DYNC1I1: variants seen among roughly 807,000 people sequenced by gnomAD.
DYNC1I1 encodes the protein cytoplasmic dynein 1 intermediate chain 1.
A neutral mutation model predicts 86.6 loss-of-function variants in DYNC1I1; 43 were observed. The observed-to-expected ratio is 0.50, with a 90% CI of 0.39 to 0.64. DYNC1I1 has a LOEUF of 0.64. Among genes scored for constraint, DYNC1I1 ranks in the 30% least tolerant of loss-of-function variants. The pLI, the probability that DYNC1I1 is intolerant of heterozygous loss-of-function variation, is 0.00. For synonymous variants in DYNC1I1, 262 were observed against 283.7 expected, an observed-to-expected ratio of 0.92 and a Z score of 0.77; for missense variants, 604 against 788.8, an observed-to-expected ratio of 0.77 and a Z score of 2.81.
chr7:96,016,299 T>C (rs1253514534), intron 10 of DYNC1I1, among the ~76,000 whole-genome samples: 1 of 151,722 alleles, frequency 6.6e-6, no homozygotes, highest in Non-Finnish European at 1.5e-5. Flanking sequence ...TAGAACACTT[T>C]AGGTTTTTTT....
intron 5 of DYNC1I1, among the ~76,000 whole-genome samples, chr7:95,846,122 T>G (rs894007522): frequency 6.6e-6 from 1 of 152,202 alleles, no homozygotes; most frequent in African/African-American, 2.4e-5. Flanking sequence ...ATCAAGGTAG[T>G]AAAAGGTCAT....
intron 14 of DYNC1I1, among the ~76,000 whole-genome samples, chr7:96,066,950 T>A (rs1790008559): frequency 6.6e-6 from 1 of 152,230 alleles, no homozygotes; most frequent in Non-Finnish European, 1.5e-5. Context: ...TGCTGAAATA[T>A]GTGCCTTGTT....
At position 96,029,631 on chromosome 7, in the gene DYNC1I1, A is replaced by G. The variant is rs75631113; in HGVS notation, c.1116+1310A>G. Among the ~76,000 whole-genome samples, 220 of 152,308 alleles carry G rather than the reference A, an allele frequency of 1.4e-3. 1 individual carries two copies. Among genetic ancestry groups the G allele is most frequent in the African/African-American group, 5.1e-3 (212 of 41,570 alleles). On this transcript the variant is annotated intron_variant, in intron 11 of 16. Transcript: ENST00000447467. ...GATGTTATTTCTGTTAGAAAATAAAATAGGCCAGGCATGGTGGCTCACACC... is the reference window on the plus strand; with the variant it reads ...GATGTTATTTCTGTTAGAAAATAAAGTAGGCCAGGCATGGTGGCTCACACC...
intron 10 of DYNC1I1, among the ~76,000 whole-genome samples, chr7:96,019,191 T>A (rs910524492): frequency 1.3e-5 from 2 of 152,182 alleles, no homozygotes; most frequent in Admixed American, 6.5e-5. Flanking sequence ...ACATAAAATC[T>A]GCTCTCTGCA....
intron 6 of DYNC1I1, among the ~76,000 whole-genome samples, chr7:95,930,473 C>T (rs1413178991): frequency 2.6e-5 from 4 of 152,132 alleles, no homozygotes; most frequent in African/African-American, 9.7e-5. Flanking sequence ...TATGTACTGT[C>T]CACCGCAGAA....
chr7:96,089,442 C>G (rs532228671), intron 16 of DYNC1I1, among the ~76,000 whole-genome samples: 155 of 152,142 alleles, frequency 1.0e-3, no homozygotes, highest in African/African-American at 3.6e-3. Flanking sequence ...TTAGAGCATT[C>G]AGGATGTAGC....
At chr7:95,864,986 G>C (rs1054188624) in intron 5 of DYNC1I1, among the ~76,000 whole-genome samples, 1 of 152,058 alleles carries the variant, frequency 6.6e-6, no homozygotes, top group Non-Finnish European at 1.5e-5. Flanking sequence ...TGGGGAAAGG[G>C]GGAAGGTGGA....
rs571765002 is a variant in DYNC1I1, at chr7:95,921,688, C to T, written c.490+51690C>T. Among the ~76,000 whole-genome samples, 819 of 152,216 alleles carry T rather than the reference C, an allele frequency of 5.4e-3. 16 individuals are homozygous for T. Among genetic ancestry groups the T allele is most frequent in the African/African-American group, 0.019 (790 of 41,534 alleles). On this transcript the variant is annotated intron_variant, in intron 6 of 16. Transcript: ENST00000447467. ...GTCAAATGTGCACCACATTTATGAG[C>T]GTGTTGACTGACCAGTGACTCATGA...
chr7:96,094,591 A>G (rs1455771160), intron 16 of DYNC1I1, among the ~76,000 whole-genome samples: 1 of 152,202 alleles, frequency 6.6e-6, no homozygotes, highest in Non-Finnish European at 1.5e-5. Context: ...TCTAATGCCA[A>G]AAATTATTAC....
In DYNC1I1 at chr7:96,076,292, T is replaced by C. The variant is rs2116247706; in HGVS notation, c.1650+95T>C. 7.3e-6 allele frequency: 11 copies of C among 1,516,950 alleles called. 1 individual carries two copies. The South Asian group carries it at 1.1e-4, about 16-fold the overall frequency. The allele number at this position is 1,516,950 out of a possible 1,614,324, so 94.0% of individuals were successfully genotyped here. Reference sequence around the variant, plus strand: ...CCCTCTTTCTCCAAAACGGCCTTTTTTGGACAGACCTTCCAACTGCAGCAG... The same window carrying C: ...CCCTCTTTCTCCAAAACGGCCTTTTCTGGACAGACCTTCCAACTGCAGCAG... On this transcript the variant is annotated intron_variant, in intron 15 of 16. Coordinates refer to ENST00000447467, the MANE Select transcript of DYNC1I1 (RefSeq NM_001135556.2).
rs189963905 is a variant in DYNC1I1 at position 95,777,427 on chromosome 7, A to T, written c.-10+4654A>T. On this transcript the variant is annotated intron_variant, in intron 1 of 16. Transcript: ENST00000447467. The stretch of plus-strand genomic sequence containing the variant: ...TGTTCTGTCCTCTGAGGCTTCCCTG[A>T]TACAGCAGCTGTGTCATGATCCGGA... Among the ~76,000 whole-genome samples, 356 of 152,320 alleles carry T rather than the reference A, an allele frequency of 2.3e-3. 4 individuals carry two copies. Among genetic ancestry groups the T allele is most frequent in the African/African-American group, 8.2e-3 (339 of 41,576 alleles).
At chr7:95,955,998 T>C (rs972859847) in intron 6 of DYNC1I1, among the ~76,000 whole-genome samples, 12 of 152,216 alleles carry the variant, frequency 7.9e-5, no homozygotes, top group African/African-American at 2.9e-4. Flanking sequence ...AGGTTTGTGC[T>C]TTAGCTTATA....
chr7:95,859,494 C>G (rs1311366451), intron 5 of DYNC1I1, among the ~76,000 whole-genome samples: 2 of 152,188 alleles, frequency 1.3e-5, no homozygotes, highest in Non-Finnish European at 1.5e-5. Context: ...TTCATCTTAC[C>G]CAGAGATTCT....
intron 7 of DYNC1I1, among the ~76,000 whole-genome samples, chr7:95,984,453 T>C (rs1793532795): frequency 1.3e-5 from 2 of 152,152 alleles, no homozygotes; most frequent in African/African-American, 2.4e-5. Flanking sequence ...TAATAGCATA[T>C]ATAAATACAT....
chr7:95,957,681 C>A (rs1792753940), intron 6 of DYNC1I1, among the ~76,000 whole-genome samples: 1 of 152,092 alleles, frequency 6.6e-6, no homozygotes, highest in South Asian at 2.1e-4. Flanking sequence ...CAGCCTGAAG[C>A]CTTTGTTGGG....
At chr7:96,054,762 G>T (rs1377533809) in intron 14 of DYNC1I1, among the ~76,000 whole-genome samples, 1 of 152,156 alleles carries the variant, frequency 6.6e-6, no homozygotes, top group African/African-American at 2.4e-5. Flanking sequence ...CCACATAAAT[G>T]TCTTCTTTTG....
chr7:95,809,384 G>A (rs574385455), intron 2 of DYNC1I1, among the ~76,000 whole-genome samples: 153 of 152,262 alleles, frequency 1.0e-3, no homozygotes, highest in African/African-American at 3.6e-3. Context: ...TTTCCTTGGG[G>A]AAGAAGGTAT....
At chr7:95,858,011 G>C (rs1048874915) in intron 5 of DYNC1I1, among the ~76,000 whole-genome samples, 2 of 152,140 alleles carry the variant, frequency 1.3e-5, no homozygotes, top group African/African-American at 4.8e-5. Context: ...TTTCAATCCA[G>C]GTCATTAGAA....
intron 14 of DYNC1I1, among the ~76,000 whole-genome samples, chr7:96,054,418 G>T (rs757520144): frequency 2.6e-5 from 4 of 152,128 alleles, no homozygotes; most frequent in Non-Finnish European, 5.9e-5. Flanking sequence ...CCAAGTCTTT[G>T]CTATTGTGAA....
Sources: gnomAD v4.1 joint callset for allele counts (sites outside exome capture counted in the v4.1 genomes callset) on GRCh38, gnomAD v4.1.1 for gene constraint, MANE v1.5 for transcripts, NCBI Gene and HGNC (gene_info 2026-07-23, HGNC 2026-07-21) for gene names.